EDIL3: variants seen among roughly 807,000 people sequenced by gnomAD.
EDIL3 encodes the protein EGF-like repeat and discoidin I-like domain-containing protein 3.
EDIL3 carries 37 observed loss-of-function variants against 67.4 expected under a neutral mutation model. That is an observed-to-expected ratio of 0.55 (90% CI 0.42 to 0.72). The LOEUF is 0.72. EDIL3 is among the 30% of genes least tolerant of loss of function. EDIL3 has a pLI of 0.00. For synonymous variants in EDIL3, 195 were observed against 196.3 expected (o/e 0.99, Z 0.05); for missense variants, 527 against 586.3 (o/e 0.90, Z 1.04).
chr5:84,304,649 TCA>T (rs1276886590), intron 1 of EDIL3, among the ~76,000 whole-genome samples: 1 of 152,212 alleles, frequency 6.6e-6, no homozygotes, highest in African/African-American at 2.4e-5. Flanking sequence ...GTTTTGAATG[TCA>T]TATAAAGGAT....
intron 9 of EDIL3, among the ~76,000 whole-genome samples, chr5:84,014,636 T>C (rs892251624): frequency 6.6e-6 from 1 of 151,832 alleles, no homozygotes; most frequent in African/African-American, 2.4e-5. Flanking sequence ...AGAGCGAGAC[T>C]CCGTCTCAAA....
intron 1 of EDIL3, among the ~76,000 whole-genome samples, chr5:84,256,037 C>G (rs894944521): frequency 6.6e-6 from 1 of 152,050 alleles, no homozygotes; most frequent in Non-Finnish European, 1.5e-5. Context: ...GAAGACAATC[C>G]TGGCAGCATT....
intron 9 of EDIL3, among the ~76,000 whole-genome samples, chr5:83,997,972 G>A (rs1664416662): frequency 6.6e-6 from 1 of 152,156 alleles, no homozygotes; most frequent in South Asian, 2.1e-4. Context: ...CGCCCATCCA[G>A]CAGTAGGAAC....
intron 9 of EDIL3, among the ~76,000 whole-genome samples, chr5:83,989,922 G>A (rs1361260345): frequency 6.6e-6 from 1 of 152,074 alleles, no homozygotes; most frequent in Admixed American, 6.5e-5. Flanking sequence ...GGTCTTGAGG[G>A]GTAGCATCCA....
At chr5:84,162,266 A>G (rs1748627550) in intron 4 of EDIL3, among the ~76,000 whole-genome samples, 1 of 152,076 alleles carries the variant, frequency 6.6e-6, no homozygotes, top group South Asian at 2.1e-4. Flanking sequence ...TGCTCCATAG[A>G]GAGGAGTGGT....
intron 3 of EDIL3, among the ~76,000 whole-genome samples, chr5:84,198,245 C>CA (rs796998618): frequency 0.019 from 2,528 of 133,130 alleles, 66 homozygotes; most frequent in African/African-American, 0.063. Flanking sequence ...TGGGTCAAGG[C>CA]AAAAAAAAAA....
chr5:84,312,362 G>A (rs1746418929), intron 1 of EDIL3, among the ~76,000 whole-genome samples: 1 of 147,564 alleles, frequency 6.8e-6, no homozygotes, highest in Non-Finnish European at 1.5e-5. Context: ...TCCCGGACGG[G>A]GCGGCTGGCC....
At chr5:83,993,126 A>C (rs1000901729) in intron 9 of EDIL3, among the ~76,000 whole-genome samples, 5 of 152,178 alleles carry the variant, frequency 3.3e-5, no homozygotes, top group Non-Finnish European at 1.5e-5. Context: ...AATTAGTAAT[A>C]AACTGCACTT....
rs192731417 is a variant in EDIL3 at position 84,154,155 on chromosome 5, C to T, written c.356-16801G>A. Reference sequence around the variant, plus strand: ...ATGCAAAGCCTAGGCTCATAAGAAACTTATTGTCATTTCGTGTCAATGGCC... The same window carrying T: ...ATGCAAAGCCTAGGCTCATAAGAAATTTATTGTCATTTCGTGTCAATGGCC... On this transcript the variant is annotated intron_variant, in intron 4 of 10. Transcript: ENST00000296591. Among the ~76,000 whole-genome samples, 15 of 152,306 alleles carry T rather than the reference C, an allele frequency of 9.8e-5. 1 individual carries two copies. The East Asian group carries it at 2.9e-3, about 29-fold the overall frequency.
chr5:84,107,578 A>T (rs1183412940), intron 5 of EDIL3, among the ~76,000 whole-genome samples: 1 of 151,534 alleles, frequency 6.6e-6, no homozygotes, highest in African/African-American at 2.4e-5. Context: ...GGGATTCTGC[A>T]TGTATATCTT....
At chr5:84,116,815 A>G (rs1747673365) in intron 5 of EDIL3, among the ~76,000 whole-genome samples, 1 of 152,180 alleles carries the variant, frequency 6.6e-6, no homozygotes, top group Non-Finnish European at 1.5e-5. Context: ...TAGAGTAACA[A>G]TTTTATTATA....
intron 9 of EDIL3, among the ~76,000 whole-genome samples, chr5:84,021,780 CT>C (rs1246303125): frequency 6.6e-6 from 1 of 151,874 alleles, no homozygotes; most frequent in Admixed American, 6.6e-5. Context: ...CAACTACATG[CT>C]AACAAACTCG....
At chr5:84,382,241 C>T (rs535346024) in intron 1 of EDIL3, among the ~76,000 whole-genome samples, 5 of 152,326 alleles carry the variant, frequency 3.3e-5, no homozygotes, top group African/African-American at 1.2e-4. Context: ...GCTTCCCGAG[C>T]ATTGTCTAAG....
chr5:84,127,626 T>C (rs529305311), intron 5 of EDIL3, among the ~76,000 whole-genome samples: 5 of 152,274 alleles, frequency 3.3e-5, no homozygotes, highest in African/African-American at 1.2e-4. Flanking sequence ...AAAGTATCTT[T>C]TCTTAGGCCT....
intron 1 of EDIL3, among the ~76,000 whole-genome samples, chr5:84,383,263 C>A (rs2112229106): frequency 6.6e-6 from 1 of 152,178 alleles, no homozygotes; most frequent in Middle Eastern, 3.4e-3. Context: ...AGCTCCCACT[C>A]GCCTCCCCAC....
At chr5:83,962,626 T>A (rs1276879340) in intron 10 of EDIL3, among the ~76,000 whole-genome samples, 1 of 151,334 alleles carries the variant, frequency 6.6e-6, no homozygotes, top group Admixed American at 6.6e-5. Flanking sequence ...AAAAGAAAAA[T>A]AAAACAAACC....
chr5:84,073,745 T>A (rs1364380784), intron 6 of EDIL3, among the ~76,000 whole-genome samples: 2 of 151,654 alleles, frequency 1.3e-5, no homozygotes, highest in Admixed American at 6.6e-5. Context: ...GTAGGAAGAA[T>A]CAATATCGTG....
chr5:84,336,443 T>C (rs1186694811), intron 1 of EDIL3, among the ~76,000 whole-genome samples: 1 of 152,084 alleles, frequency 6.6e-6, no homozygotes, highest in Non-Finnish European at 1.5e-5. Flanking sequence ...TGAGACAGTA[T>C]GGAGAATGGA....
chr5:84,065,561 T>TTG (rs1746624734), intron 7 of EDIL3, among the ~76,000 whole-genome samples: 1 of 151,658 alleles, frequency 6.6e-6, no homozygotes, highest in South Asian at 2.1e-4. Flanking sequence ...AATGCCTGAT[T>TTG]AAATGGAATG....
Sources: allele counts gnomAD v4.1 joint callset (sites outside exome capture counted in the v4.1 genomes callset), GRCh38; gene constraint gnomAD v4.1.1; transcripts MANE v1.5; gene names NCBI Gene and HGNC (gene_info 2026-07-23, HGNC 2026-07-21).